Variants in HMCN1 observed in about 807,000 individuals in gnomAD.
HMCN1 encodes the protein hemicentin 1.
In HMCN1, 321 loss-of-function variants were observed where a neutral mutation model predicts 625.9. The observed-to-expected ratio is 0.51, with a 90% CI of 0.47 to 0.56. HMCN1 has a LOEUF of 0.56. Ranked by LOEUF, HMCN1 falls within the 20% of genes least tolerant of loss-of-function variation. HMCN1 has a pLI of 0.00. For missense variants in HMCN1, 6,588 were observed against 6,887.3 expected, an observed-to-expected ratio of 0.96 and a Z score of 1.54; for synonymous variants, 2,425 against 2,417.6, an observed-to-expected ratio of 1.00 and a Z score of -0.09.
chr1:185,916,581 C>T (rs1286175291), intron 6 of HMCN1, among the ~76,000 whole-genome samples: 3 of 152,114 alleles, frequency 2.0e-5, no homozygotes, highest in African/African-American at 7.2e-5. Flanking sequence ...TCTTTTAATG[C>T]ATATACACTG....
intron 50 of HMCN1, among the ~76,000 whole-genome samples, chr1:186,068,695 G>C (rs1053243425): frequency 1.3e-5 from 2 of 151,832 alleles, no homozygotes; most frequent in African/African-American, 4.8e-5. Flanking sequence ...GTGAAACCCT[G>C]TCCCTACTAA....
chr1:186,142,954 TAC>T (rs1171018567), intron 89 of HMCN1, among the ~76,000 whole-genome samples: 1 of 152,216 alleles, frequency 6.6e-6, no homozygotes, highest in Non-Finnish European at 1.5e-5. Flanking sequence ...TTTGAAATCA[TAC>T]AGTCAATATT....
At chr1:185,954,219 C>G (rs1649454496) in intron 11 of HMCN1, among the ~76,000 whole-genome samples, 1 of 151,944 alleles carries the variant, frequency 6.6e-6, no homozygotes, top group Admixed American at 6.6e-5. Flanking sequence ...GCCTGACAAC[C>G]CATAATGAAA....
intron 1 of HMCN1, among the ~76,000 whole-genome samples, chr1:185,808,742 T>G (rs1443346562): frequency 6.6e-6 from 1 of 152,206 alleles, no homozygotes; most frequent in African/African-American, 2.4e-5. Context: ...TCCTTTTCTC[T>G]TCAGGCATCT....
At chr1:185,886,312 T>A (rs1664647288) in intron 4 of HMCN1, among the ~76,000 whole-genome samples, 1 of 152,028 alleles carries the variant, frequency 6.6e-6, no homozygotes, top group Non-Finnish European at 1.5e-5. Context: ...TGACTAATAG[T>A]CATGTATAAT....
At position 186,001,623 on chromosome 1, in the gene HMCN1, G is replaced by A. The variant is rs552251831; in HGVS notation, c.4230G>A (p.Val1410=). The part of the protein sequence containing the change: ...QVTESSTIQT[V]NNGKILKLFR... ...CTGAAAGCAGCACTATTCAGACTGTGAACAATGGGAAGATACTGAAGCTCT... is the reference window on the plus strand; with the variant it reads ...CTGAAAGCAGCACTATTCAGACTGTAAACAATGGGAAGATACTGAAGCTCT... Residue 1410 remains valine (V), a synonymous_variant, in exon 28 of 107, where the codon GTG becomes GTA. Transcript: ENST00000271588. The A allele has an allele frequency of 6.2e-7, 1 of 1,613,146 alleles. No individual in the cohort carries two copies. The highest frequency in any genetic ancestry group is 8.5e-7 in the Non-Finnish European group (1 of 1,179,350).
chr1:185,908,601 C>A (rs1423659027), intron 4 of HMCN1, among the ~76,000 whole-genome samples: 1 of 151,868 alleles, frequency 6.6e-6, no homozygotes, highest in African/African-American at 2.4e-5. Flanking sequence ...TTCTTGTTCA[C>A]AATGAGGCAT....
At chr1:186,096,743 A>G (rs542026549) in intron 68 of HMCN1, among the ~76,000 whole-genome samples, 1 of 152,300 alleles carries the variant, frequency 6.6e-6, no homozygotes, top group East Asian at 1.9e-4. Flanking sequence ...GTTTTAACAT[A>G]CACAATCAAT....
At chr1:186,004,822 A>G (rs956426173) in intron 29 of HMCN1, among the ~76,000 whole-genome samples, 2 of 152,148 alleles carry the variant, frequency 1.3e-5, no homozygotes, top group East Asian at 3.9e-4. Flanking sequence ...TATTTACTGC[A>G]ACACTGTGAT....
intron 6 of HMCN1, among the ~76,000 whole-genome samples, chr1:185,921,802 T>C (rs1667020836): frequency 6.6e-6 from 1 of 152,228 alleles, no homozygotes; most frequent in Non-Finnish European, 1.5e-5. Flanking sequence ...TGACCTAATA[T>C]TCAGATTCAG....
At chr1:185,837,845 T>G (rs1404835646) in intron 1 of HMCN1, among the ~76,000 whole-genome samples, 2 of 152,214 alleles carry the variant, frequency 1.3e-5, no homozygotes, top group Non-Finnish European at 2.9e-5. Flanking sequence ...CCATCTGGGA[T>G]CAGCCAGGAA....
At chr1:185,942,994 T>A (rs1237376177) in intron 11 of HMCN1, among the ~76,000 whole-genome samples, 1 of 151,936 alleles carries the variant, frequency 6.6e-6, no homozygotes, top group Non-Finnish European at 1.5e-5. Context: ...TACCACTCAA[T>A]ACAACATTTC....
intron 15 of HMCN1, among the ~76,000 whole-genome samples, chr1:185,977,066 C>G (rs139950236): frequency 1.3e-5 from 2 of 152,050 alleles, no homozygotes; most frequent in Admixed American, 1.3e-4. Flanking sequence ...CCTCCCTGAT[C>G]TCTGTGGTTA....
intron 46 of HMCN1, among the ~76,000 whole-genome samples, chr1:186,060,339 T>G (rs955810739): frequency 2.6e-4 from 39 of 152,118 alleles, no homozygotes; most frequent in African/African-American, 9.1e-4. Flanking sequence ...TAAGCAAAAA[T>G]ATACCAGCTA....
chr1:185,963,705 ATTATC>A (rs1369726088), intron 12 of HMCN1, 58 bp from the exon 13 acceptor site: 1 of 1,228,356 alleles, frequency 8.1e-7, no homozygotes, highest in Non-Finnish European at 1.2e-6. Context: ...AAAGCACTAT[ATTATC>A]TTGATATTAC....
intron 4 of HMCN1, among the ~76,000 whole-genome samples, chr1:185,873,050 T>A (rs1438122134): frequency 1.3e-5 from 2 of 152,130 alleles, no homozygotes; most frequent in African/African-American, 4.8e-5. Context: ...AAGAAAGAAA[T>A]GTTACTTAAG....
At position 186,170,722 on chromosome 1, in the gene HMCN1, TG is replaced by T. The variant is rs545152504; in HGVS notation, c.15575-613del. Among the ~76,000 whole-genome samples the T allele has an allele frequency of 2.0e-5, 3 of 152,106 alleles. No homozygotes were observed. In the South Asian group the frequency reaches 6.2e-4, roughly 32 times the overall value. On this transcript the variant is annotated intron_variant, in intron 100 of 106. Transcript: ENST00000271588. ...GAAGAGGGCTTTCTTCCTCCAGGAC[TG>T]GAGGAAAGGAAAGTAAAGGAAAGAA...
intron 1 of HMCN1, among the ~76,000 whole-genome samples, chr1:185,813,711 T>C (rs990786104): frequency 6.6e-6 from 1 of 152,164 alleles, no homozygotes; most frequent in African/African-American, 2.4e-5. Flanking sequence ...AAATTCTGCA[T>C]GTAATATAAC....
intron 4 of HMCN1, among the ~76,000 whole-genome samples, chr1:185,884,158 C>CCT (rs1664488299): frequency 6.6e-6 from 1 of 151,682 alleles, no homozygotes; most frequent in South Asian, 2.1e-4. Flanking sequence ...TCTAATTTCA[C>CCT]CATGTATTCA....
Sources: gnomAD v4.1 joint callset for allele counts (sites outside exome capture counted in the v4.1 genomes callset) on GRCh38, gnomAD v4.1.1 for gene constraint, MANE v1.5 for transcripts, NCBI Gene and HGNC (gene_info 2026-07-23, HGNC 2026-07-21) for gene names.